The following ZNF664 variants were observed in gnomAD, a reference collection of about 807,000 sequenced individuals.
The protein encoded by ZNF664 is zinc finger protein 664, also known as zinc finger Organ of Corti 1.
ZNF664 carries 10 observed loss-of-function variants against 18.2 expected under a neutral mutation model. That is an observed-to-expected ratio of 0.55 (90% CI 0.34 to 0.93). The LOEUF (loss-of-function observed/expected upper bound fraction) is 0.93, where lower values mean the gene tolerates loss of function less well. Ranked by LOEUF, ZNF664 falls within the 40% of genes least tolerant of loss-of-function variation. ZNF664 has a pLI of 0.02. For missense variants in ZNF664, 193 were observed against 319.0 expected, an observed-to-expected ratio of 0.61 and a Z score of 3.01; for synonymous variants, 119 against 104.2, an observed-to-expected ratio of 1.14 and a Z score of -0.86.
At chr12:124,002,003 C>T (rs1957018108) in intron 3 of ZNF664, among the ~76,000 whole-genome samples, 1 of 152,098 alleles carries the variant, frequency 6.6e-6, no homozygotes, top group East Asian at 1.9e-4. Context: ...AAAATGAGCA[C>T]AATAATTCCA....
intron 3 of ZNF664, among the ~76,000 whole-genome samples, chr12:124,002,505 G>C (rs1465682984): frequency 6.6e-6 from 1 of 152,224 alleles, no homozygotes; most frequent in Non-Finnish European, 1.5e-5. Context: ...ACCTGTGGTT[G>C]AGAGGCTGTT....
chr12:123,986,342 A>G (rs1956824976), intron 2 of ZNF664, among the ~76,000 whole-genome samples: 1 of 152,228 alleles, frequency 6.6e-6, no homozygotes, highest in African/African-American at 2.4e-5. Context: ...GACAAGCCAC[A>G]GTCTTCCCAT....
intron 3 of ZNF664, 111 bp downstream of exon 3, chr12:123,988,249 G>A (rs1594551498): frequency 3.0e-6 from 3 of 1,015,086 alleles, no homozygotes; most frequent in East Asian, 3.3e-5. Context: ...TTTGGGCTCA[G>A]TGAGGAAGCA....
At chr12:124,008,429 C>T (rs927381973) in intron 3 of ZNF664, among the ~76,000 whole-genome samples, 3 of 152,186 alleles carry the variant, frequency 2.0e-5, no homozygotes, top group Non-Finnish European at 4.4e-5. Context: ...ACAGCCTGGT[C>T]CTGGCAGTGT....
At chr12:123,999,038 G>C in intron 3 of ZNF664, among the ~76,000 whole-genome samples, 1 of 152,172 alleles carries the variant, frequency 6.6e-6, no homozygotes, top group East Asian at 1.9e-4. Context: ...AGAAGTTAAT[G>C]TGGATCCTTT....
chr12:123,985,623 CTG>C (rs1286588237), intron 2 of ZNF664, among the ~76,000 whole-genome samples: 8 of 152,154 alleles, frequency 5.3e-5, no homozygotes, highest in African/African-American at 1.9e-4. Context: ...GGTAAAATAA[CTG>C]TGTTTAAATC....
intron 3 of ZNF664, among the ~76,000 whole-genome samples, chr12:124,007,241 A>G (rs889660575): frequency 5.3e-5 from 8 of 152,198 alleles, no homozygotes; most frequent in African/African-American, 1.9e-4. Context: ...GCAGTGCCTG[A>G]TGCCTGAAGA....
intron 3 of ZNF664, among the ~76,000 whole-genome samples, chr12:123,988,971 T>C (rs1305567538): frequency 6.6e-6 from 1 of 152,232 alleles, no homozygotes; most frequent in East Asian, 1.9e-4. Flanking sequence ...CTTGTCTTGA[T>C]AGCTGCTGGC....
At position 124,013,490 on chromosome 12, in the gene ZNF664, C is replaced by G. The variant is rs1422744373; in HGVS notation, c.*560C>G. On this transcript the variant is annotated 3_prime_UTR_variant, in exon 5 of 5. Transcript: ENST00000337815. ...AATCCCCATAAATATCCATCCCTTC[C>G]TAGATGGCATTAACTTTCATTTTAG... The G allele has an allele frequency of 5.9e-6, 1 of 170,214 alleles. No individual in the cohort carries two copies. Among genetic ancestry groups the G allele is most frequent in the African/African-American group, 2.4e-5 (1 of 41,472 alleles). 10.5% of individuals were successfully genotyped at this position (170,214 alleles called of 1,614,324 possible).
chr12:123,982,014 G>A (rs1430830405), intron 2 of ZNF664, among the ~76,000 whole-genome samples: 1 of 152,184 alleles, frequency 6.6e-6, no homozygotes, highest in Non-Finnish European at 1.5e-5. Context: ...GTAGACTCTT[G>A]CCTCTCTGAG....
intron 1 of ZNF664, 125 bp from the exon 2 acceptor site, chr12:123,973,761 G>A: frequency 8.2e-7 from 1 of 1,225,848 alleles, no homozygotes. Flanking sequence ...CTCGTCGCCC[G>A]TGGAGCCGCG....
chr12:124,005,241 C>G (rs999769014), intron 3 of ZNF664, among the ~76,000 whole-genome samples: 2 of 152,142 alleles, frequency 1.3e-5, no homozygotes, highest in African/African-American at 4.8e-5. Context: ...GTTAAGAAAC[C>G]GTGAGCTTTT....
At position 123,973,342 on chromosome 12, in the gene ZNF664, C is replaced by T. The variant is rs891530057; in HGVS notation, c.-902C>T. On this transcript the variant is annotated 5_prime_UTR_variant, in exon 1 of 5. Coordinates refer to ENST00000337815, the MANE Select transcript of ZNF664 (RefSeq NM_152437.3). ...GCCCGCGGCCTGGGGCGCTGACTCC[C>T]CTCACTTGGAGTGAGTTCTCGGCGG... The T allele has an allele frequency of 1.0e-5, 10 of 984,044 alleles. No homozygotes were observed. The Middle Eastern group carries it at 2.1e-3, about 204-fold the overall frequency. The allele number at this position is 984,044 out of a possible 1,614,324, so 61.0% of individuals were successfully genotyped here. A position where few individuals can be genotyped will look rare whatever the true frequency, so the allele number is the denominator to read the frequency against.
intron 2 of ZNF664, among the ~76,000 whole-genome samples, chr12:123,977,477 A>AAAC (rs1365804559): frequency 6.6e-6 from 1 of 151,724 alleles, no homozygotes; most frequent in African/African-American, 2.4e-5. Context: ...AAAAAAAAAA[A>AAAC]AAACCCTAAA....
At position 124,007,961 on chromosome 12, in the gene ZNF664, A is replaced by G. The variant is rs567069621; in HGVS notation, c.-660-3420A>G. Among the ~76,000 whole-genome samples the G allele has an allele frequency of 7.9e-4, 120 of 152,316 alleles. 1 individual carries two copies. The highest frequency in any genetic ancestry group is 3.4e-3 in the Middle Eastern group (1 of 294). On this transcript the variant is annotated intron_variant, in intron 3 of 4. Transcript: ENST00000337815. ...CATTGGTTTACATAGCTACAATGAC[A>G]TGATCACATAGTTAACAGCACACAG...
At position 124,012,779 on chromosome 12, in the gene ZNF664, C is replaced by T. The variant is rs1254681742; in HGVS notation, c.635C>T (p.Ser212Leu). ...CGCGKAFSQS[S>L]SLCIHQRVHT... The stretch of plus-strand genomic sequence containing the variant: ...TGTGGGAAGGCCTTCAGTCAGAGTT[C>T]GAGCCTGTGCATCCACCAGAGAGTC... The change falls in exon 5 of 5, where the codon TCG becomes TTG. Residue 212 changes from serine (S) to leucine (L), a missense_variant. Coordinates refer to ENST00000337815, the MANE Select transcript of ZNF664 (RefSeq NM_152437.3). The T allele has an allele frequency of 1.1e-5, 18 of 1,612,772 alleles. No individual in the cohort carries two copies. The highest frequency in any genetic ancestry group is 1.5e-5 in the Non-Finnish European group (18 of 1,179,286).
intron 3 of ZNF664, among the ~76,000 whole-genome samples, chr12:123,993,548 A>G (rs1021721725): frequency 2.8e-4 from 42 of 152,186 alleles, no homozygotes; most frequent in African/African-American, 9.9e-4. Flanking sequence ...CACTTTTCTA[A>G]AGGTGTAGTA....
In ZNF664 at chr12:124,011,980, G is replaced by A; in HGVS notation, c.-165G>A. 1.4e-6 allele frequency: 2 copies of A among 1,429,880 alleles called. No homozygotes were observed. The highest frequency in any genetic ancestry group is 1.8e-6 in the Non-Finnish European group (2 of 1,100,680). The allele number at this position is 1,429,880 out of a possible 1,614,324, so 88.6% of individuals were successfully genotyped here. A position where few individuals can be genotyped will look rare whatever the true frequency, so the allele number is the denominator to read the frequency against. ...TGCAGGAAGAAACCTTCCGTAGAAA[G>A]ACAGGCAGGGAAAAGCTTAGGCTGA... is the stretch of plus-strand genomic sequence containing the variant. On this transcript the variant is annotated 5_prime_UTR_variant, in exon 5 of 5. Transcript: ENST00000337815.
rs1594547695 is a variant in ZNF664, at chr12:123,984,856, G to A, written c.-756-3187G>A. ...TCATTCCAGCCAAGCAGGTAGTTGA[G>A]CTAAAAAATGGAGACAGGACATACT... On this transcript the variant is annotated intron_variant, in intron 2 of 4. Transcript: ENST00000337815. 2.6e-5 allele frequency among the ~76,000 whole-genome samples: 4 copies of A among 152,186 alleles called. No homozygotes were observed. In the East Asian group the frequency reaches 5.8e-4, roughly 22 times the overall value.
Sources: gnomAD v4.1 joint callset for allele counts (sites outside exome capture counted in the v4.1 genomes callset) on GRCh38, gnomAD v4.1.1 for gene constraint, MANE v1.5 for transcripts, NCBI Gene and HGNC (gene_info 2026-07-23, HGNC 2026-07-21) for gene names.